Variants in TTBK1 observed in about 807,000 individuals in gnomAD.
TTBK1 encodes tau-tubulin kinase 1.
In TTBK1, 34 loss-of-function variants were observed where a neutral mutation model predicts 108.5. The observed-to-expected ratio is 0.31, with a 90% CI of 0.24 to 0.42. TTBK1 has a LOEUF of 0.42. Among genes scored for constraint, TTBK1 ranks in the 10% least tolerant of loss-of-function variants. The pLI is 1.00. For missense variants in TTBK1, 1,539 were observed against 1,826.0 expected (o/e 0.84, Z 2.86); for synonymous variants, 809 against 795.1 (o/e 1.02, Z -0.29).
chr6:43,254,901 G>A (rs917746059), intron 6 of TTBK1, 148 bp from the exon 7 acceptor site: 39 of 830,606 alleles, frequency 4.7e-5, no homozygotes, highest in Non-Finnish European at 6.5e-5. Flanking sequence ...GTCAGCAGGC[G>A]GGTTTAGGAC....
At chr6:43,255,024 G>A (rs374807981) in intron 6 of TTBK1, 25 bp from the exon 7 acceptor site, 59 of 1,612,446 alleles carry the variant, frequency 3.7e-5, no homozygotes, top group Middle Eastern at 1.6e-4. Context: ...GGTGGGTGAC[G>A]TTCTTGGTGG....
intron 13 of TTBK1, among the ~76,000 whole-genome samples, chr6:43,281,048 G>A (rs1778144678): frequency 6.6e-6 from 1 of 152,160 alleles, no homozygotes; most frequent in South Asian, 2.1e-4. Flanking sequence ...TCACAGGGCT[G>A]GGTGGGGGAT....
chr6:43,251,702 G>C (rs1358396997), intron 2 of TTBK1, among the ~76,000 whole-genome samples: 8 of 152,176 alleles, frequency 5.3e-5, no homozygotes, highest in African/African-American at 1.9e-4. Flanking sequence ...AGGCTGGAGG[G>C]GGGAGACGAG....
chr6:43,281,674 G>A (rs1778167485), intron 13 of TTBK1, among the ~76,000 whole-genome samples: 1 of 152,106 alleles, frequency 6.6e-6, no homozygotes, highest in South Asian at 2.1e-4. Flanking sequence ...GGATATCCCC[G>A]GGGCTTCTGG....
chr6:43,283,955 C>T lies in TTBK1; in HGVS notation c.3215C>T (p.Ser1072Leu). Residue 1072 changes from serine to leucine, a missense_variant, in exon 14 of 15, where the codon TCA becomes TTA. This residue lies in a region of TTBK1 where 1,055 missense variants were observed against 1,086.5 expected (regional missense o/e 0.97). Coordinates refer to ENST00000259750, the MANE Select transcript of TTBK1 (RefSeq NM_032538.3). The surrounding 1 kb of genome is among the most constrained non-coding windows in gnomAD (Gnocchi z 8.1). ...GACACGGGCTCGGAGCCCTCAGGCT[C>T]ACTGTCGGCCAAAGAGCGGTGGAGC... is the stretch of plus-strand genomic sequence containing the variant. Reference protein sequence around the residue: ...EEDTGSEPSGSLSAKERWSKR... With the variant: ...EEDTGSEPSGLLSAKERWSKR... 1 of 1,612,484 alleles carries T rather than the reference C, an allele frequency of 6.2e-7. No homozygotes were observed. Among genetic ancestry groups the T allele is most frequent in the Non-Finnish European group, 8.5e-7 (1 of 1,179,202 alleles).
intron 13 of TTBK1, among the ~76,000 whole-genome samples, chr6:43,278,115 G>A (rs746542564): frequency 6.6e-6 from 1 of 152,312 alleles, no homozygotes; most frequent in South Asian, 2.1e-4. Flanking sequence ...CATGCACCCT[G>A]TGTGGGGGTT....
Position 43,255,803 on chromosome 6 carries a change from C to G in TTBK1, c.808C>G (p.Leu270Val), listed in dbSNP as rs1301691040. Residue 270 changes from leucine (L) to valine (V), a missense_variant, in exon 9 of 15, where the codon CTC (leucine) becomes GTC (valine). Around this residue, in one of 5 missense-constraint regions of TTBK1, gnomAD observed 155 missense variants for 348.5 expected, o/e 0.44. Transcript: ENST00000259750. The part of the protein sequence containing the change: ...LLKHMPSEFH[L>V]FLDHIASLDY... ...GAAGCACATGCCGTCAGAGTTCCAC[C>G]TCTTCCTGGACCACATTGCCAGCCT... 6.2e-7 allele frequency: 1 copy of G among 1,614,034 alleles called. No individual in the cohort carries two copies. Among genetic ancestry groups the G allele is most frequent in the Non-Finnish European group, 8.5e-7 (1 of 1,180,034 alleles).
At position 43,285,106 on chromosome 6, in the gene TTBK1, C is replaced by A. The variant is rs375147695; in HGVS notation, c.3696C>A (p.Ser1232Arg). ...GAGCCAGGCCCCCAGCGCCGCGCAG[C>A]CCGCGCCTCCCCGCGTCCACATCCG... ...QAGARPPAPRSPRLPASTSAA... is the reference protein window; with the variant it reads ...QAGARPPAPRRPRLPASTSAA... The change falls in exon 15 of 15, where the codon AGC becomes AGA. Residue 1232 changes from serine to arginine, a missense_variant. Around this residue, in one of 5 missense-constraint regions of TTBK1, gnomAD observed 1,055 missense variants for 1,086.5 expected, o/e 0.97. Coordinates refer to ENST00000259750, the MANE Select transcript of TTBK1 (RefSeq NM_032538.3). The surrounding 1 kb of genome is among the most constrained non-coding windows in gnomAD (Gnocchi z 4.7). 4.1e-6 allele frequency: 6 copies of A among 1,471,334 alleles called. No individual in the cohort carries two copies. The African/African-American group carries it at 4.4e-5, about 11-fold the overall frequency. 91.1% of individuals were successfully genotyped at this position (1,471,334 alleles called of 1,614,324 possible). A position where few individuals can be genotyped will look rare whatever the true frequency, so the allele number is the denominator to read the frequency against.
chr6:43,257,754 C>T lies in TTBK1; in HGVS notation c.862-58C>T. ...CCTATGATCCCAGCAACTGCCCCTT[C>T]CTCCTGGCTAGCCCCCGGATCACCT... On this transcript the variant is annotated intron_variant, in intron 9 of 14. Coordinates refer to ENST00000259750, the MANE Select transcript of TTBK1 (RefSeq NM_032538.3). The surrounding 1 kb of genome is among the most constrained non-coding windows in gnomAD (Gnocchi z 4.5). 14 of 1,555,536 alleles carry T rather than the reference C, an allele frequency of 9.0e-6. No individual in the cohort carries two copies. Among genetic ancestry groups the T allele is most frequent in the Non-Finnish European group, 1.2e-5 (14 of 1,142,866 alleles).
intron 12 of TTBK1, 62 bp from the exon 13 acceptor site, chr6:43,262,727 C>T (rs981357157): frequency 1.5e-5 from 21 of 1,434,154 alleles, no homozygotes; most frequent in African/African-American, 1.4e-4. Flanking sequence ...CTGCCGCTGG[C>T]GTGGGGTCCT....
In TTBK1 at chr6:43,255,927, G is replaced by A. The variant is rs374636343; in HGVS notation, c.861+71G>A. On this transcript the variant is annotated intron_variant, in intron 9 of 14. Transcript: ENST00000259750. ...GAGTGACTGTCCCCCAGCAGACCTC[G>A]CTCCTGCTGAGGCTCCACAGCCCTG... 84 of 1,583,460 alleles carry A rather than the reference G, an allele frequency of 5.3e-5. 1 individual carries two copies. Among genetic ancestry groups the A allele is most frequent in the African/African-American group, 5.2e-4 (39 of 74,554 alleles).
In TTBK1 at chr6:43,282,555, G is replaced by C. The variant is rs985316732; in HGVS notation, c.1987-172G>C. On this transcript the variant is annotated intron_variant, in intron 13 of 14. Transcript: ENST00000259750. The surrounding 1 kb of genome is among the most constrained non-coding windows in gnomAD (Gnocchi z 5.4). ...GCGCCAGAGACCATTCTAGGCCCTG[G>C]GGACAGAGCAGTGAACAAGACAGAC... Among the ~76,000 whole-genome samples, 1 of 152,226 alleles carries C rather than the reference G, an allele frequency of 6.6e-6. No homozygotes were observed. The highest frequency in any genetic ancestry group is 1.5e-5 in the Non-Finnish European group (1 of 68,038).
intron 14 of TTBK1, 70 bp from the exon 15 acceptor site, chr6:43,284,913 A>G: frequency 3.4e-6 from 5 of 1,454,770 alleles, no homozygotes; most frequent in Admixed American, 2.5e-5. Flanking sequence ...GCCCAGGAGG[A>G]TTCTGAAATA....
intron 13 of TTBK1, among the ~76,000 whole-genome samples, chr6:43,277,542 C>G (rs1367147350): frequency 6.6e-6 from 1 of 152,240 alleles, no homozygotes; most frequent in Non-Finnish European, 1.5e-5. Context: ...GTCAGCTCCT[C>G]GCCCTGGGGC....
chr6:43,262,234 C>T (rs117460531), intron 12 of TTBK1, among the ~76,000 whole-genome samples: 393 of 152,218 alleles, frequency 2.6e-3, no homozygotes, highest in East Asian at 0.018. Flanking sequence ...TTGTTGGGGC[C>T]GGGGAGTCAC....
chr6:43,249,203 T>A (rs1439397415), intron 2 of TTBK1, among the ~76,000 whole-genome samples: 1 of 151,714 alleles, frequency 6.6e-6, no homozygotes, highest in African/African-American at 2.4e-5. Context: ...GGAGGAAGAG[T>A]GGAGGCTCAG....
rs1317989191 is a variant in TTBK1, at chr6:43,283,862, C to A, written c.3122C>A (p.Ser1041Tyr). 5.0e-6 allele frequency: 8 copies of A among 1,610,590 alleles called. No individual in the cohort carries two copies. Among genetic ancestry groups the A allele is most frequent in the Non-Finnish European group, 6.8e-6 (8 of 1,177,834 alleles). The change falls in exon 14 of 15, where the codon TCC becomes TAC. Residue 1041 changes from serine (S) to tyrosine (Y), a missense_variant. Around this residue, in one of 5 missense-constraint regions of TTBK1, gnomAD observed 1,055 missense variants for 1,086.5 expected, o/e 0.97. Coordinates refer to ENST00000259750, the MANE Select transcript of TTBK1 (RefSeq NM_032538.3). The surrounding 1 kb of genome is among the most constrained non-coding windows in gnomAD (Gnocchi z 8.1). ...EPSPEKVATI[S>Y]PRRHAMPGSR... is the part of the protein sequence containing the mutation. ...AGCCCTGAGAAAGTGGCCACCATCT[C>A]CCCCAGACGCCATGCTATGCCAGGC...
chr6:43,272,470 C>A, intron 13 of TTBK1: 1 of 985,446 alleles, frequency 1.0e-6, no homozygotes, highest in Non-Finnish European at 1.2e-6. Flanking sequence ...TTCAAACACA[C>A]ACCCCCCACC....
In TTBK1 at chr6:43,283,061, C is replaced by T. The variant is rs750814992; in HGVS notation, c.2321C>T (p.Ala774Val). The T allele has an allele frequency of 2.2e-5, 35 of 1,587,692 alleles. No homozygotes were observed. Among genetic ancestry groups the T allele is most frequent in the South Asian group, 2.2e-4 (19 of 87,764 alleles). ...EEEEEEEEAA[A>V]AVALGEVLGP... ...GAGGAAGAGGAGGAGGAGGCTGCAG[C>T]GGCAGTTGCCTTGGGGGAGGTGCTG... The change falls in exon 14 of 15, where the codon GCG (alanine) becomes GTG (valine). Residue 774 changes from alanine to valine, a missense_variant. Ala to Val is a moderately conservative substitution (Grantham distance 64, BLOSUM62 0). This residue lies in a region of TTBK1 where 1,055 missense variants were observed against 1,086.5 expected (regional missense o/e 0.97). Coordinates refer to ENST00000259750, the MANE Select transcript of TTBK1 (RefSeq NM_032538.3). The surrounding 1 kb of genome is among the most constrained non-coding windows in gnomAD (Gnocchi z 8.1).
Sources: allele counts gnomAD v4.1 joint callset (sites outside exome capture counted in the v4.1 genomes callset), GRCh38; gene constraint gnomAD v4.1.1; regional missense constraint gnomAD v4.1.1; non-coding constraint Gnocchi (gnomAD v3.1); transcripts MANE v1.5; gene names NCBI Gene and HGNC (gene_info 2026-07-23, HGNC 2026-07-21).